The following GRK7 variants were observed in gnomAD, a reference collection of about 807,000 sequenced individuals.
GRK7 encodes the protein rhodopsin kinase GRK7.
Under a neutral mutation model 34.1 loss-of-function variants are expected in GRK7, and 24 were observed. That is an observed-to-expected ratio of 0.70 (90% CI 0.51 to 0.99). GRK7 has a LOEUF of 0.99. Among genes scored for constraint, GRK7 ranks in the 50% least tolerant of loss-of-function variants. The pLI is 0.00. For synonymous variants in GRK7, 256 were observed against 279.4 expected (o/e 0.92, Z 0.84); for missense variants, 644 against 707.3 (o/e 0.91, Z 1.02).
chr3:141,783,347 T>A (rs2084680599), intron 4 of GRK7, among the ~76,000 whole-genome samples: 1 of 152,218 alleles, frequency 6.6e-6, no homozygotes, highest in South Asian at 2.1e-4. Context: ...GAGGAGAAGA[T>A]CACCCGGCTC....
chr3:141,807,969 G>A (rs747946920), intron 5 of GRK7, 50 bp downstream of exon 5: 740 of 1,463,642 alleles, frequency 5.1e-4, no homozygotes, highest in Non-Finnish European at 6.5e-4. Context: ...ATTGTCCACA[G>A]GGATTAGGAG....
chr3:141,759,797 T>G (rs2084547462), upstream of GRK7, among the ~76,000 whole-genome samples: 1 of 72,326 alleles, frequency 1.4e-5, no homozygotes, highest in African/African-American at 5.7e-5. Context: ...GGACTCTTTT[T>G]GGTTGGTAAA....
chr3:141,782,721 C>T lies in GRK7; in HGVS notation c.1050+1910C>T, dbSNP rs563365559. On this transcript the variant is annotated intron_variant, in intron 4 of 5. Coordinates refer to ENST00000682958, the MANE Select transcript of GRK7 (RefSeq NM_139209.3). ...TTGGGAGGCTGAGGCAGGAGAATGACGTCAACCCAGGAGGCGGAGCTTGCA... is the reference window on the plus strand; with the variant it reads ...TTGGGAGGCTGAGGCAGGAGAATGATGTCAACCCAGGAGGCGGAGCTTGCA... Among the ~76,000 whole-genome samples, 198 of 151,766 alleles carry T rather than the reference C, an allele frequency of 1.3e-3. 2 individuals carry two copies. The highest frequency in any genetic ancestry group is 2.5e-3 in the Non-Finnish European group (172 of 67,956).
intron 5 of GRK7, among the ~76,000 whole-genome samples, chr3:141,814,920 G>GTTTT (rs33965909): frequency 3.7e-4 from 45 of 120,366 alleles, no homozygotes; most frequent in African/African-American, 9.2e-4. Context: ...TTGTTGGTTG[G>GTTTT]TTTTTTTTTT....
the GRK7 span, among the ~76,000 whole-genome samples, chr3:141,749,996 G>A: frequency 6.7e-6 from 1 of 149,654 alleles, no homozygotes; most frequent in Admixed American, 6.7e-5. Context: ...CAGCCTGGGC[G>A]ACAGAGCGAG....
intron 4 of GRK7, among the ~76,000 whole-genome samples, chr3:141,804,954 TACAC>T (rs909939486): frequency 1.4e-5 from 2 of 146,994 alleles, no homozygotes; most frequent in African/African-American, 5.0e-5. Flanking sequence ...CATACACACA[TACAC>T]ACCACACTCA....
At position 141,807,790 on chromosome 3, in the gene GRK7, G is replaced by C. The variant is rs2107893978; in HGVS notation, c.1196G>C (p.Ser399Thr). 10 of 1,614,212 alleles carry C rather than the reference G, an allele frequency of 6.2e-6. No homozygotes were observed. The highest frequency in any genetic ancestry group is 8.5e-6 in the Non-Finnish European group (10 of 1,180,036). ...TTCAAAGATTACAAGGAAAAGGTCA[G>C]TAAAGAGGATCTGAAGCAAAGAACT... Reference protein sequence around the residue: ...TPFKDYKEKVSKEDLKQRTLQ... With the variant: ...TPFKDYKEKVTKEDLKQRTLQ... Residue 399 changes from serine (S) to threonine (T), a missense_variant, in exon 5 of 6, where the codon AGT (serine) becomes ACT (threonine). Transcript: ENST00000682958.
chr3:141,808,531 G>A (rs1336026499), intron 5 of GRK7, among the ~76,000 whole-genome samples: 1 of 151,858 alleles, frequency 6.6e-6, no homozygotes, highest in Non-Finnish European at 1.5e-5. Context: ...TGGCCAAGAT[G>A]GTGAAACCCC....
chr3:141,762,784 C>T (rs1299753769), upstream of GRK7, among the ~76,000 whole-genome samples: 2 of 152,024 alleles, frequency 1.3e-5, no homozygotes, highest in Non-Finnish European at 2.9e-5. Flanking sequence ...GGGGAGATTC[C>T]GTGGGGTAGG....
At chr3:141,760,257 T>C (rs1184982371), upstream of GRK7, among the ~76,000 whole-genome samples, 1 of 120,062 alleles carries the variant, frequency 8.3e-6, no homozygotes, top group Non-Finnish European at 1.7e-5. Flanking sequence ...CATTTAGTGC[T>C]ATAAATTTCC....
the GRK7 span, among the ~76,000 whole-genome samples, chr3:141,751,735 A>G: frequency 6.6e-6 from 1 of 152,232 alleles, no homozygotes; most frequent in African/African-American, 2.4e-5. Flanking sequence ...GTAAAATTTA[A>G]TTAATTACAA....
intron 5 of GRK7, among the ~76,000 whole-genome samples, chr3:141,810,317 T>C (rs1711079716): frequency 6.7e-6 from 1 of 148,666 alleles, no homozygotes. Flanking sequence ...CCTCCTTCCC[T>C]TCCTCTCTCC....
At chr3:141,757,129 CTTTTT>C in the GRK7 span, among the ~76,000 whole-genome samples, 10 of 101,362 alleles carry the variant, frequency 9.9e-5, no homozygotes, top group Middle Eastern at 5.3e-3. Context: ...AGATCTTCTT[CTTTTT>C]TTTTTTTTTT....
At chr3:141,774,430 A>G (rs968902117) in intron 1 of GRK7, among the ~76,000 whole-genome samples, 150 bp from the exon 2 acceptor site, 2 of 152,164 alleles carry the variant, frequency 1.3e-5, no homozygotes, top group African/African-American at 4.8e-5. Context: ...TCAAAAAAGA[A>G]AAAAAAGAAA....
At position 141,778,599 on chromosome 3, in the gene GRK7, G is replaced by A. The variant is rs1366037105; in HGVS notation, c.315G>A (p.Ala105=). ...LAEEGPTKDS[A]LQGLVATCAS... The stretch of plus-strand genomic sequence containing the variant: ...AGGAGGGACCCACCAAAGACAGCGC[G>A]CTGCAGGGGCTGGTGGCCACTTGTG... Residue 105 remains alanine, a synonymous_variant, in exon 3 of 6, where the codon GCG becomes GCA. Coordinates refer to ENST00000682958, the MANE Select transcript of GRK7 (RefSeq NM_139209.3). The surrounding 1 kb of genome is among the most constrained non-coding windows in gnomAD (Gnocchi z 4.1). 1.9e-6 allele frequency: 3 copies of A among 1,612,468 alleles called. No homozygotes were observed. Among genetic ancestry groups the A allele is most frequent in the East Asian group, 2.2e-5 (1 of 44,866 alleles).
chr3:141,802,014 A>T (rs986701639), intron 4 of GRK7, among the ~76,000 whole-genome samples: 3 of 152,216 alleles, frequency 2.0e-5, no homozygotes, highest in African/African-American at 7.2e-5. Flanking sequence ...CATAAAGGAT[A>T]AGTTCAATAT....
chr3:141,751,497 T>G, the GRK7 span, among the ~76,000 whole-genome samples: 2 of 152,170 alleles, frequency 1.3e-5, no homozygotes, highest in Non-Finnish European at 2.9e-5. Context: ...GAAACCATAT[T>G]CTACTACAGC....
chr3:141,797,471 C>A (rs1168378094), intron 4 of GRK7, among the ~76,000 whole-genome samples: 1 of 152,224 alleles, frequency 6.6e-6, no homozygotes, highest in Non-Finnish European at 1.5e-5. Context: ...GGCCAGGCCC[C>A]CCTCGGAGGA....
intron 1 of GRK7, among the ~76,000 whole-genome samples, chr3:141,766,081 G>A (rs1420500613): frequency 6.6e-6 from 1 of 151,918 alleles, no homozygotes; most frequent in East Asian, 1.9e-4. Context: ...AAAAGTTGGG[G>A]TGTTTAAATA....
Sources: gnomAD v4.1 joint callset for allele counts (sites outside exome capture counted in the v4.1 genomes callset) on GRCh38, gnomAD v4.1.1 for gene constraint, Gnocchi (gnomAD v3.1) non-coding constraint, MANE v1.5 for transcripts, NCBI Gene and HGNC (gene_info 2026-07-23, HGNC 2026-07-21) for gene names.